Variants in CNTNAP2 observed in about 807,000 individuals in gnomAD.
CNTNAP2 encodes the protein contactin associated protein 2.
A neutral mutation model predicts 155.2 loss-of-function variants in CNTNAP2; 98 were observed. That is an observed-to-expected ratio of 0.63 (90% CI 0.54 to 0.75). The LOEUF (loss-of-function observed/expected upper bound fraction) is 0.75, where lower values mean the gene tolerates loss of function less well. CNTNAP2 is among the 30% of genes least tolerant of loss of function. CNTNAP2 has a pLI of 0.00. For missense variants in CNTNAP2, 1,727 were observed against 1,688.1 expected (o/e 1.02, Z -0.40); for synonymous variants, 651 against 631.2 (o/e 1.03, Z -0.47).
At chr7:147,591,457 C>G (rs1201818265) in intron 12 of CNTNAP2, among the ~76,000 whole-genome samples, 2 of 152,170 alleles carry the variant, frequency 1.3e-5, no homozygotes, top group African/African-American at 4.8e-5. Flanking sequence ...AAGGTCCTAT[C>G]TCCAAATATC....
rs544361138 is a variant in CNTNAP2 at position 147,014,728 on chromosome 7, G to A, written c.403-29179G>A. 2.0e-4 allele frequency among the ~76,000 whole-genome samples: 31 copies of A among 152,124 alleles called. No individual in the cohort carries two copies. In the South Asian group the frequency reaches 2.7e-3, roughly 13 times the overall value. On this transcript the variant is annotated intron_variant, in intron 3 of 23. Coordinates refer to ENST00000361727, the MANE Select transcript of CNTNAP2 (RefSeq NM_014141.6). Reference sequence around the variant, plus strand: ...CCCTGCCAGTGTTTGGTGGAAAGGCGGTTAATCCGGAGTGAAAGGCCTCAA... The same window carrying A: ...CCCTGCCAGTGTTTGGTGGAAAGGCAGTTAATCCGGAGTGAAAGGCCTCAA...
chr7:146,149,495 A>C (rs975425782), intron 1 of CNTNAP2, among the ~76,000 whole-genome samples: 2 of 152,140 alleles, frequency 1.3e-5, no homozygotes, highest in East Asian at 3.9e-4. Flanking sequence ...GGACAGTGAC[A>C]GCAGCACAGT....
At chr7:148,029,841 C>T (rs1802440945) in intron 15 of CNTNAP2, among the ~76,000 whole-genome samples, 1 of 152,172 alleles carries the variant, frequency 6.6e-6, no homozygotes, top group Admixed American at 6.5e-5. Context: ...CAAATATGAA[C>T]ATAAGACCAA....
intron 14 of CNTNAP2, among the ~76,000 whole-genome samples, chr7:147,960,396 G>A (rs1209902694): frequency 6.6e-6 from 1 of 152,134 alleles, no homozygotes; most frequent in African/African-American, 2.4e-5. Flanking sequence ...ATGGTGAGAT[G>A]ATTAACCAAT....
intron 1 of CNTNAP2, among the ~76,000 whole-genome samples, chr7:146,517,237 A>G (rs1797554476): frequency 1.3e-5 from 2 of 151,978 alleles, no homozygotes; most frequent in Non-Finnish European, 1.5e-5. Context: ...GTTCTCTACT[A>G]TCCATGGTTT....
chr7:146,147,510 C>A (rs34375929), intron 1 of CNTNAP2, among the ~76,000 whole-genome samples: 131 of 152,206 alleles, frequency 8.6e-4, no homozygotes, highest in Middle Eastern at 3.4e-3. Flanking sequence ...TTTCGTAATG[C>A]AGATGATTAA....
At chr7:147,876,631 AT>A (rs34343974) in intron 13 of CNTNAP2, among the ~76,000 whole-genome samples, 80,209 of 151,628 alleles carry the variant, frequency 0.53, 21,326 homozygotes, top group East Asian at 0.61. Context: ...TTCCCTCCAC[AT>A]TTTTTTTTAA....
At chr7:147,083,900 ATATT>A (rs1016695459) in intron 4 of CNTNAP2, among the ~76,000 whole-genome samples, 5 of 140,126 alleles carry the variant, frequency 3.6e-5, no homozygotes, top group East Asian at 2.1e-4. Context: ...ATGTATGTAT[ATATT>A]ATATGCATAT....
At chr7:146,645,658 A>C (rs971677811) in intron 1 of CNTNAP2, among the ~76,000 whole-genome samples, 1 of 152,176 alleles carries the variant, frequency 6.6e-6, no homozygotes, top group Non-Finnish European at 1.5e-5. Context: ...ATTTATTCAC[A>C]TACCATATAG....
intron 13 of CNTNAP2, among the ~76,000 whole-genome samples, chr7:147,659,649 A>C (rs374334257): frequency 3.3e-5 from 5 of 152,346 alleles, no homozygotes; most frequent in African/African-American, 1.2e-4. Flanking sequence ...CTAGAGAGTA[A>C]TACAATTAAT....
At chr7:147,046,975 T>G (rs1799372633) in intron 4 of CNTNAP2, among the ~76,000 whole-genome samples, 1 of 132,960 alleles carries the variant, frequency 7.5e-6, no homozygotes. Flanking sequence ...GAGCTTGCAG[T>G]GAGCCAAGAT....
chr7:147,669,690 T>C (rs74596644), intron 13 of CNTNAP2, among the ~76,000 whole-genome samples: 6,152 of 152,238 alleles, frequency 0.04, 139 homozygotes, highest in Middle Eastern at 0.13. Context: ...CCCCAGCCTC[T>C]CATCTGCATG....
At chr7:147,809,875 G>C (rs1798152961) in intron 13 of CNTNAP2, among the ~76,000 whole-genome samples, 1 of 152,196 alleles carries the variant, frequency 6.6e-6, no homozygotes, top group Non-Finnish European at 1.5e-5. Context: ...GTGAGGTGCT[G>C]AGGAAGGCTG....
chr7:146,296,909 A>G (rs1800522738), intron 1 of CNTNAP2, among the ~76,000 whole-genome samples: 1 of 152,002 alleles, frequency 6.6e-6, no homozygotes, highest in African/African-American at 2.4e-5. Flanking sequence ...TAGAAAGTAG[A>G]TCAGCAAAGT....
chr7:146,256,195 T>C lies in CNTNAP2; in HGVS notation c.97+139222T>C, dbSNP rs118015164. ...ATTTGTGCAGCCTCTTGGCAGGTCA[T>C]CACTACTTTCTAATTCTAAGTCCTG... On this transcript the variant is annotated intron_variant, in intron 1 of 23. Transcript: ENST00000361727. Among the ~76,000 whole-genome samples, 76 of 152,306 alleles carry C rather than the reference T, an allele frequency of 5.0e-4. 1 individual carries two copies. Among genetic ancestry groups the C allele is most frequent in the Non-Finnish European group, 9.7e-4 (66 of 68,032 alleles).
chr7:146,483,300 T>TATATATATATAC (rs1797000466), intron 1 of CNTNAP2, among the ~76,000 whole-genome samples: 2 of 66,058 alleles, frequency 3.0e-5, no homozygotes, highest in African/African-American at 1.0e-4. Context: ...TATATATATA[T>TATATATATATAC]ATATATATAT....
chr7:147,947,742 CT>C (rs1489064760), intron 14 of CNTNAP2, among the ~76,000 whole-genome samples: 1 of 152,138 alleles, frequency 6.6e-6, no homozygotes, highest in Non-Finnish European at 1.5e-5. Context: ...GGTTCTGAGG[CT>C]TATTTCTGAT....
At chr7:146,798,373 G>T (rs1252395802) in intron 2 of CNTNAP2, among the ~76,000 whole-genome samples, 1 of 152,070 alleles carries the variant, frequency 6.6e-6, no homozygotes, top group Non-Finnish European at 1.5e-5. Flanking sequence ...ACAGGGTCTG[G>T]CTCTGTTGCC....
chr7:147,198,232 CTTTTTTTTTT>C (rs71525992), intron 8 of CNTNAP2, among the ~76,000 whole-genome samples: 1 of 113,094 alleles, frequency 8.8e-6, no homozygotes, highest in African/African-American at 3.2e-5. Flanking sequence ...TTCCAATATC[CTTTTTTTTTT>C]TTTTTTTTTT....
Sources: gnomAD v4.1 joint callset for allele counts (sites outside exome capture counted in the v4.1 genomes callset) on GRCh38, gnomAD v4.1.1 for gene constraint, MANE v1.5 for transcripts, NCBI Gene and HGNC (gene_info 2026-07-23, HGNC 2026-07-21) for gene names.